Variants in NDC80 observed in about 807,000 individuals in gnomAD.
The protein encoded by NDC80 is kinetochore protein NDC80 homolog.
In NDC80, 69 loss-of-function variants were observed where a neutral mutation model predicts 89.3. The observed-to-expected ratio is 0.77, with a 90% confidence interval of 0.64 to 0.94. The LOEUF is 0.94. NDC80 is among the 40% of genes least tolerant of loss of function. The pLI, the probability that NDC80 is intolerant of heterozygous loss-of-function variation, is 0.00. For missense variants in NDC80, 593 were observed against 739.6 expected (o/e 0.80, Z 2.30); for synonymous variants, 243 against 255.6 (o/e 0.95, Z 0.47).
At chr18:2,576,187 A>G (rs2072545630) in intron 3 of NDC80, among the ~76,000 whole-genome samples, 1 of 152,216 alleles carries the variant, frequency 6.6e-6, no homozygotes, top group South Asian at 2.1e-4. Context: ...AACTCCACAG[A>G]GCTTTTGTTT....
intron 14 of NDC80, among the ~76,000 whole-genome samples, chr18:2,607,890 T>C (rs2072720759): frequency 6.8e-6 from 1 of 147,334 alleles, no homozygotes; most frequent in Non-Finnish European, 1.5e-5. Flanking sequence ...CAAGAAAAGA[T>C]ATCATGGATA....
At position 2,609,193 on chromosome 18, in the gene NDC80, T is replaced by A. The variant is rs77642278; in HGVS notation, c.1688+363T>A. ...GCTTTAATAAATTCCACTGAGCTCA[T>A]GTTTTTATTTCCTAGAAATTATGTA... is the stretch of plus-strand genomic sequence containing the variant. On this transcript the variant is annotated intron_variant, in intron 15 of 16. Coordinates refer to ENST00000261597, the MANE Select transcript of NDC80 (RefSeq NM_006101.3). 7.8e-3 allele frequency among the ~76,000 whole-genome samples: 1,194 copies of A among 152,288 alleles called. 10 individuals carry two copies. Among genetic ancestry groups the A allele is most frequent in the Non-Finnish European group, 0.014 (968 of 68,006 alleles).
At chr18:2,588,328 A>G (rs1598367026) in intron 8 of NDC80, among the ~76,000 whole-genome samples, 1 of 152,186 alleles carries the variant, frequency 6.6e-6, no homozygotes, top group South Asian at 2.1e-4. Flanking sequence ...TAAAGCACCA[A>G]TTAGTCAAAA....
chr18:2,607,289 G>A (rs934891641), intron 14 of NDC80, among the ~76,000 whole-genome samples: 17 of 151,942 alleles, frequency 1.1e-4, no homozygotes, highest in South Asian at 2.1e-4. Context: ...ACTCTCTGAC[G>A]CACTTAAATG....
intron 6 of NDC80, among the ~76,000 whole-genome samples, chr18:2,583,110 C>T (rs533959581): frequency 1.3e-5 from 2 of 152,318 alleles, no homozygotes; most frequent in Admixed American, 1.3e-4. Context: ...GTGGAAAACG[C>T]CACCTTTCAA....
chr18:2,595,579 GT>G lies in NDC80; in HGVS notation c.1181del (p.Leu394CysfsTer6). On this transcript the variant is annotated frameshift_variant, in exon 11 of 17. Coordinates refer to ENST00000261597, the MANE Select transcript of NDC80 (RefSeq NM_006101.3). LOFTEE classifies it high-confidence loss of function. ...TKDLEAEQQK[L>X]WNEELKYARG... ...AGGACCTGGAAGCTGAACAACAGAA[GT>G]TGTGGAATGAGGAGTTAAAATATGC... 1 of 1,613,716 alleles carries G rather than the reference GT, an allele frequency of 6.2e-7. No homozygotes were observed. Among genetic ancestry groups the G allele is most frequent in the East Asian group, 2.2e-5 (1 of 44,844 alleles).
At chr18:2,595,740 T>C (rs1461471832) in intron 11 of NDC80, 119 bp downstream of exon 11, 4 of 685,806 alleles carry the variant, frequency 5.8e-6, no homozygotes, top group Non-Finnish European at 9.6e-6. Flanking sequence ...AACATTAGCA[T>C]TGACATTTTA....
chr18:2,581,344 T>C (rs1364047626), intron 6 of NDC80, among the ~76,000 whole-genome samples: 2 of 152,184 alleles, frequency 1.3e-5, no homozygotes, highest in African/African-American at 4.8e-5. Flanking sequence ...AATTCACTCA[T>C]GTATCACAGT....
Position 2,595,456 on chromosome 18 carries a change from A to G in NDC80, c.1056A>G (p.Leu352=). 2 of 1,613,946 alleles carry G rather than the reference A, an allele frequency of 1.2e-6. No homozygotes were observed. Among genetic ancestry groups the G allele is most frequent in the East Asian group, 2.2e-5 (1 of 44,856 alleles). ...CETIKQENTR[L]QNIIDNQKYS... ...CAATAAAACAGGAGAACACTCGACTACAGAATATCATTGACAACCAGAAGT... is the reference window on the plus strand; with the variant it reads ...CAATAAAACAGGAGAACACTCGACTGCAGAATATCATTGACAACCAGAAGT... Residue 352 remains leucine, a synonymous_variant, in exon 11 of 17, where the codon CTA becomes CTG. Transcript: ENST00000261597.
At chr18:2,574,313 T>C (rs1389150294) in intron 2 of NDC80, among the ~76,000 whole-genome samples, 1 of 152,130 alleles carries the variant, frequency 6.6e-6, no homozygotes, top group Non-Finnish European at 1.5e-5. Flanking sequence ...CACTGTATAA[T>C]GACTATAGTT....
At chr18:2,598,251 G>A (rs879040667) in intron 11 of NDC80, among the ~76,000 whole-genome samples, 3 of 152,166 alleles carry the variant, frequency 2.0e-5, no homozygotes, top group Non-Finnish European at 4.4e-5. Flanking sequence ...GTTTAATGGA[G>A]GAAGCAGATT....
intron 16 of NDC80, among the ~76,000 whole-genome samples, chr18:2,615,502 C>T (rs2143680103): frequency 6.6e-6 from 1 of 152,292 alleles, no homozygotes; most frequent in African/African-American, 2.4e-5. Flanking sequence ...CTGGTGATTT[C>T]CTCTTCTAAG....
At chr18:2,596,788 A>AATG (rs2072658898) in intron 11 of NDC80, among the ~76,000 whole-genome samples, 3 of 151,952 alleles carry the variant, frequency 2.0e-5, no homozygotes, top group Middle Eastern at 6.8e-3. Flanking sequence ...AATGTCCAAC[A>AATG]ATGATAGACT....
intron 3 of NDC80, 25 bp from the exon 4 acceptor site, chr18:2,577,721 T>G: frequency 1.9e-6 from 3 of 1,610,016 alleles, no homozygotes; most frequent in Non-Finnish European, 2.5e-6. Context: ...TAGTTTTAAC[T>G]GGCTGTTTAA....
chr18:2,585,826 C>CT (rs1194446611), intron 7 of NDC80, among the ~76,000 whole-genome samples: 1 of 152,034 alleles, frequency 6.6e-6, no homozygotes, highest in East Asian at 1.9e-4. Context: ...CGTAATGTTT[C>CT]TTTTCCTCCT....
chr18:2,578,173 G>T, intron 5 of NDC80, 32 bp downstream of exon 5: 1 of 1,566,670 alleles, frequency 6.4e-7, no homozygotes, highest in South Asian at 1.2e-5. Flanking sequence ...TTAGAGACAT[G>T]ACTGGCACAC....
Position 2,595,567 on chromosome 18 carries a change from T to C in NDC80, c.1167T>C (p.Ala389=), listed in dbSNP as rs753488092. 6.2e-7 allele frequency: 1 copy of C among 1,613,786 alleles called. No individual in the cohort carries two copies. The highest frequency in any genetic ancestry group is 8.5e-7 in the Non-Finnish European group (1 of 1,179,768). ...TINKLTKDLE[A]EQQKLWNEEL... ...ATAAATTAACCAAGGACCTGGAAGC[T>C]GAACAACAGAAGTTGTGGAATGAGG... The change falls in exon 11 of 17, where the codon GCT becomes GCC. Residue 389 remains alanine, a synonymous_variant. Transcript: ENST00000261597.
chr18:2,584,926 C>T (rs1305696994), intron 6 of NDC80, among the ~76,000 whole-genome samples, 187 bp from the exon 7 acceptor site: 4 of 152,090 alleles, frequency 2.6e-5, no homozygotes, highest in Non-Finnish European at 5.9e-5. Flanking sequence ...GAAAGGATAC[C>T]TGCAAATTGT....
intron 10 of NDC80, 47 bp from the exon 11 acceptor site, chr18:2,595,369 T>G: frequency 7.0e-7 from 1 of 1,419,652 alleles, no homozygotes; most frequent in Non-Finnish European, 9.8e-7. Flanking sequence ...TCTGTTTCTT[T>G]GTAGGAATTG....
Sources: allele counts gnomAD v4.1 joint callset (sites outside exome capture counted in the v4.1 genomes callset), GRCh38; gene constraint gnomAD v4.1.1; transcripts MANE v1.5; gene names NCBI Gene and HGNC (gene_info 2026-07-23, HGNC 2026-07-21).